Variants in BLTP3B observed in about 807,000 individuals in gnomAD.
BLTP3B encodes UHRF1 (ICBP90) binding protein 1-like.
the BLTP3B span, among the ~76,000 whole-genome samples, chr12:100,088,165 A>T: frequency 6.6e-6 from 1 of 152,158 alleles, no homozygotes; most frequent in Admixed American, 6.5e-5. Flanking sequence ...CCTGATTCAG[A>T]TCTGAGGCAC....
the BLTP3B span, among the ~76,000 whole-genome samples, chr12:100,075,242 C>T: frequency 6.6e-6 from 1 of 152,068 alleles, no homozygotes; most frequent in African/African-American, 2.4e-5. Context: ...GAACTCCTGA[C>T]CTCGTGATCC....
chr12:100,056,811 T>C, the BLTP3B span, among the ~76,000 whole-genome samples: 422 of 150,494 alleles, frequency 2.8e-3, 5 homozygotes, highest in African/African-American at 9.7e-3. Flanking sequence ...CACTCCAGCC[T>C]GGGCGACAGA....
the BLTP3B span, among the ~76,000 whole-genome samples, chr12:100,132,392 G>C: frequency 1.3e-5 from 2 of 152,246 alleles, no homozygotes; most frequent in South Asian, 2.1e-4. Context: ...TGGGTCATGG[G>C]GGCAGATTCT....
the BLTP3B span, among the ~76,000 whole-genome samples, chr12:100,142,250 C>A: frequency 2.6e-5 from 4 of 152,238 alleles, no homozygotes; most frequent in African/African-American, 9.6e-5. Context: ...TGGGTGACGC[C>A]AGGCCACCTC....
chr12:100,053,566 C>T, the BLTP3B span, among the ~76,000 whole-genome samples: 1 of 152,108 alleles, frequency 6.6e-6, no homozygotes, highest in Non-Finnish European at 1.5e-5. Flanking sequence ...AATATGTATA[C>T]ATGCACGCAT....
chr12:100,068,566 TGGG>T, the BLTP3B span, among the ~76,000 whole-genome samples: 1 of 152,046 alleles, frequency 6.6e-6, no homozygotes, highest in Admixed American at 6.5e-5. Flanking sequence ...ACCCACAAAG[TGGG>T]AAAAACTCTT....
chr12:100,126,853 G>A, the BLTP3B span, among the ~76,000 whole-genome samples: 12 of 152,118 alleles, frequency 7.9e-5, no homozygotes, highest in African/African-American at 2.9e-4. Flanking sequence ...TTTATTCCAA[G>A]CAGCCTGCTA....
the BLTP3B span, among the ~76,000 whole-genome samples, chr12:100,053,761 C>T: frequency 6.6e-6 from 1 of 152,062 alleles, no homozygotes; most frequent in African/African-American, 2.4e-5. Flanking sequence ...GTGATAACTT[C>T]AATTTTTACT....
At chr12:100,084,607 T>A in the BLTP3B span, 1 of 1,614,100 alleles carries the variant, frequency 6.2e-7, no homozygotes, top group African/African-American at 1.3e-5. Context: ...GGCCCATCCA[T>A]TTTTTGTTTT....
the BLTP3B span, among the ~76,000 whole-genome samples, chr12:100,048,851 A>G: frequency 6.6e-6 from 1 of 150,632 alleles, no homozygotes. Context: ...GTCCCCCCAA[A>G]AAATTTATAG....
chr12:100,066,246 C>T, the BLTP3B span, among the ~76,000 whole-genome samples: 79 of 152,158 alleles, frequency 5.2e-4, no homozygotes, highest in African/African-American at 1.8e-3. Context: ...TCAGACAAAC[C>T]TTAAAGGAAC....
chr12:100,135,509 T>A, the BLTP3B span, among the ~76,000 whole-genome samples: 1 of 152,066 alleles, frequency 6.6e-6, no homozygotes, highest in Non-Finnish European at 1.5e-5. Context: ...CCTGAAGTGA[T>A]CTGCCCGCCT....
the BLTP3B span, among the ~76,000 whole-genome samples, chr12:100,125,476 C>T: frequency 6.6e-6 from 1 of 151,982 alleles, no homozygotes; most frequent in Non-Finnish European, 1.5e-5. Flanking sequence ...CATAGGGAGA[C>T]CCCATCTCTA....
At chr12:100,135,281 C>CTTTTTTT in the BLTP3B span, among the ~76,000 whole-genome samples, 6 of 141,222 alleles carry the variant, frequency 4.2e-5, no homozygotes, top group Admixed American at 2.1e-4. Context: ...TTCTTTCTTT[C>CTTTTTTT]TTTTTTTTTT....
At chr12:100,139,043 C>T in the BLTP3B span, among the ~76,000 whole-genome samples, 5 of 152,158 alleles carry the variant, frequency 3.3e-5, no homozygotes, top group African/African-American at 9.7e-5. Flanking sequence ...AAAATCGGGG[C>T]AGTTTCTCCT....
the BLTP3B span, among the ~76,000 whole-genome samples, chr12:100,104,455 C>T: frequency 6.6e-6 from 1 of 151,594 alleles, no homozygotes; most frequent in East Asian, 1.9e-4. Flanking sequence ...CCACCCAACT[C>T]GGCCTCTCAA....
At chr12:100,070,443 G>C in the BLTP3B span, among the ~76,000 whole-genome samples, 3 of 152,066 alleles carry the variant, frequency 2.0e-5, no homozygotes, top group East Asian at 5.8e-4. Context: ...ATTTTTAGTA[G>C]ACGGGGTTTT....
At chr12:100,089,118 T>C in the BLTP3B span, 2 of 1,450,840 alleles carry the variant, frequency 1.4e-6, no homozygotes, top group South Asian at 3.2e-5. Flanking sequence ...GAAACTGCCT[T>C]ATCACTGCCA....
At chr12:100,059,730 AAGAG>A in the BLTP3B span, 3 of 1,189,846 alleles carry the variant, frequency 2.5e-6, no homozygotes, top group East Asian at 7.8e-5. Flanking sequence ...GACCACTAAG[AAGAG>A]AATCTTTTTA....
Sources: gnomAD v4.1 joint callset for allele counts (sites outside exome capture counted in the v4.1 genomes callset) on GRCh38, gnomAD v4.1.1 for gene constraint, MANE v1.5 for transcripts, NCBI Gene and HGNC (gene_info 2026-07-23, HGNC 2026-07-21) for gene names.